Variants in COL6A5 observed in about 807,000 individuals in gnomAD.
COL6A5 encodes the protein collagen alpha-5(VI) chain.
A neutral mutation model predicts 65.6 loss-of-function variants in COL6A5; 48 were observed. The ratio of observed to expected loss-of-function variants is 0.73; its 90% confidence interval spans 0.58 to 0.93. COL6A5 has a LOEUF of 0.93. COL6A5 is among the 40% of genes least tolerant of loss of function. The pLI is 0.00. For synonymous variants in COL6A5, 291 were observed against 322.8 expected, an observed-to-expected ratio of 0.90 and a Z score of 1.05; for missense variants, 914 against 928.3, an observed-to-expected ratio of 0.98 and a Z score of 0.20.
At chr3:130,451,337 A>G (rs322123) in intron 4 of COL6A5, among the ~76,000 whole-genome samples, 140,029 of 152,160 alleles carry the variant, frequency 0.92, 64,576 homozygotes, top group Non-Finnish European at 0.95. Context: ...AACTGAGGGT[A>G]AGAGGGTTGG....
chr3:130,366,998 C>T (rs980549051), intron 1 of COL6A5, among the ~76,000 whole-genome samples: 1 of 152,174 alleles, frequency 6.6e-6, no homozygotes, highest in Non-Finnish European at 1.5e-5. Context: ...ATTGTGTGCT[C>T]TTGGAGGAAG....
exon 8 of COL6A5, chr3:130,484,068 G>A: frequency 6.2e-7 from 1 of 1,605,500 alleles, no homozygotes; most frequent in Non-Finnish European, 8.5e-7. Flanking sequence ...TAGGAGAAAA[G>A]AAGATAGCTC....
At chr3:130,399,370 CTTT>C (rs34407199) in intron 10 of COL6A5, among the ~76,000 whole-genome samples, 3 of 130,442 alleles carry the variant, frequency 2.3e-5, no homozygotes, top group Admixed American at 7.9e-5. Context: ...TCATTTCTTT[CTTT>C]TTTTTTTTTT....
intron 7 of COL6A5, among the ~76,000 whole-genome samples, chr3:130,479,950 G>T (rs1271044968): frequency 3.3e-5 from 5 of 151,912 alleles, no homozygotes; most frequent in African/African-American, 1.2e-4. Flanking sequence ...TAAATGACTG[G>T]ATAACTGATT....
chr3:130,379,132 G>A (rs1395164852), intron 3 of COL6A5, among the ~76,000 whole-genome samples: 1 of 152,046 alleles, frequency 6.6e-6, no homozygotes, highest in Non-Finnish European at 1.5e-5. Flanking sequence ...CATACAAGTG[G>A]TGATGGCGGT....
At chr3:130,419,725 T>C (rs1404546741) in intron 25 of COL6A5, among the ~76,000 whole-genome samples, 1 of 152,026 alleles carries the variant, frequency 6.6e-6, no homozygotes, top group Admixed American at 6.6e-5. Context: ...GTCAAAATCA[T>C]AGAAACAGAG....
chr3:130,427,695 T>G (rs1937634444), upstream of COL6A5, among the ~76,000 whole-genome samples: 1 of 151,982 alleles, frequency 6.6e-6, no homozygotes, highest in African/African-American at 2.4e-5. Flanking sequence ...CATGGATGCA[T>G]GAGGTTTCTC....
At chr3:130,395,272 T>C in exon 8 of COL6A5, 1 of 1,551,682 alleles carries the variant, frequency 6.4e-7, no homozygotes, top group East Asian at 2.4e-5. Flanking sequence ...ATGTGGCAGA[T>C]GCAGTAAAAA....
chr3:130,404,750 A>T (rs1271251133), intron 13 of COL6A5, among the ~76,000 whole-genome samples: 1 of 152,226 alleles, frequency 6.6e-6, no homozygotes. Context: ...GATCCTCAGG[A>T]TAAAGAAAGC....
intron 4 of COL6A5, among the ~76,000 whole-genome samples, chr3:130,453,965 A>G (rs1441569881): frequency 2.0e-5 from 3 of 152,192 alleles, no homozygotes; most frequent in Non-Finnish European, 4.4e-5. Context: ...CACTGATCTT[A>G]TGTGAAGCAG....
chr3:130,422,746 TG>T (rs1559894546), exon 28 of COL6A5: 2 of 1,529,988 alleles, frequency 1.3e-6, no homozygotes, highest in Non-Finnish European at 1.8e-6. Context: ...CTGGAATTCC[TG>T]GGGGACCTGG....
chr3:130,410,085 C>G lies in COL6A5; in HGVS notation c.4608+11C>G. ...GAACAAGGAAGACAAGTAATTTGAT[C>G]TGTTTTATCTATGAGTTGATTAATT... On this transcript the variant is annotated intron_variant and NMD_transcript_variant, in intron 19 of 41. Transcript: ENST00000312481. 1 of 1,530,440 alleles carries G rather than the reference C, an allele frequency of 6.5e-7. No individual in the cohort carries two copies. The allele number at this position is 1,530,440 out of a possible 1,614,324, so 94.8% of individuals were successfully genotyped here.
chr3:130,468,381 G>A (rs1709866586), intron 5 of COL6A5, among the ~76,000 whole-genome samples: 1 of 151,996 alleles, frequency 6.6e-6, no homozygotes, highest in South Asian at 2.1e-4. Context: ...ACCAATAAAT[G>A]TAACTTTAAT....
intron 7 of COL6A5, among the ~76,000 whole-genome samples, chr3:130,472,856 T>C (rs867792253): frequency 1.7e-4 from 24 of 143,360 alleles, no homozygotes; most frequent in African/African-American, 3.6e-4. Flanking sequence ...TATATATATA[T>C]ATACACATTT....
intron 17 of COL6A5, among the ~76,000 whole-genome samples, chr3:130,407,928 ATACTCT>A (rs1221959818): frequency 6.6e-6 from 1 of 152,186 alleles, no homozygotes; most frequent in Non-Finnish European, 1.5e-5. Flanking sequence ...TCCCCAATGA[ATACTCT>A]TATAATTTCC....
chr3:130,451,844 A>G (rs1312601121), intron 4 of COL6A5, among the ~76,000 whole-genome samples: 1 of 152,232 alleles, frequency 6.6e-6, no homozygotes, highest in Admixed American at 6.5e-5. Flanking sequence ...CAGATTCAGA[A>G]AATTGTGGTA....
chr3:130,399,751 A>G (rs986212559), intron 10 of COL6A5, among the ~76,000 whole-genome samples: 1 of 150,902 alleles, frequency 6.6e-6, no homozygotes, highest in Non-Finnish European at 1.5e-5. Context: ...AATGAGATAT[A>G]TATATATATA....
intron 3 of COL6A5, among the ~76,000 whole-genome samples, chr3:130,377,052 G>T (rs1160881070): frequency 1.3e-5 from 2 of 152,076 alleles, no homozygotes; most frequent in Admixed American, 6.5e-5. Flanking sequence ...CTTATAGCTT[G>T]AATAACTCCT....
At chr3:130,483,977 G>A in intron 7 of COL6A5, 58 bp from the exon 41 acceptor site, 1 of 1,506,362 alleles carries the variant, frequency 6.6e-7, no homozygotes, top group Non-Finnish European at 9.1e-7. Flanking sequence ...GGCCCTGGAG[G>A]AACATTTTGA....
Sources: allele counts gnomAD v4.1 joint callset (sites outside exome capture counted in the v4.1 genomes callset), GRCh38; gene constraint gnomAD v4.1.1; transcripts MANE v1.5; gene names NCBI Gene and HGNC (gene_info 2026-07-23, HGNC 2026-07-21).